Variants in RNF150 observed in about 807,000 individuals in gnomAD.
RNF150 encodes ring finger protein 150.
RNF150 carries 24 observed loss-of-function variants against 39.3 expected under a neutral mutation model. That is an observed-to-expected ratio of 0.61 (90% CI 0.44 to 0.86). The LOEUF (loss-of-function observed/expected upper bound fraction) is 0.86, where lower values mean the gene tolerates loss of function less well. Among genes scored for constraint, RNF150 ranks in the 40% least tolerant of loss-of-function variants. RNF150 has a pLI of 0.00. For missense variants in RNF150, 502 were observed against 587.8 expected, an observed-to-expected ratio of 0.85 and a Z score of 1.51; for synonymous variants, 255 against 227.3, an observed-to-expected ratio of 1.12 and a Z score of -1.10.
At chr4:140,980,508 T>A (rs557795206) in intron 1 of RNF150, among the ~76,000 whole-genome samples, 2 of 152,216 alleles carry the variant, frequency 1.3e-5, no homozygotes, top group South Asian at 4.2e-4. Flanking sequence ...TTTGGCTGTG[T>A]CCCCCTGCCC....
chr4:141,152,976 T>C (rs1184695125), intron 1 of RNF150, among the ~76,000 whole-genome samples: 1 of 152,214 alleles, frequency 6.6e-6, no homozygotes, highest in Non-Finnish European at 1.5e-5. Context: ...ATTAGCTATT[T>C]GTCCTGATGC....
At chr4:141,074,609 G>A (rs1329072481) in intron 1 of RNF150, among the ~76,000 whole-genome samples, 1 of 152,064 alleles carries the variant, frequency 6.6e-6, no homozygotes, top group Non-Finnish European at 1.5e-5. Flanking sequence ...GGCTAGGACT[G>A]GTCTGTGGGA....
At chr4:141,201,232 A>G (rs1728285669) in intron 1 of RNF150, among the ~76,000 whole-genome samples, 1 of 152,220 alleles carries the variant, frequency 6.6e-6, no homozygotes, top group Admixed American at 6.5e-5. Context: ...CCAAATTGAT[A>G]TACAATTACT....
chr4:141,019,005 T>A (rs1479053177), intron 1 of RNF150, among the ~76,000 whole-genome samples: 1 of 146,894 alleles, frequency 6.8e-6, no homozygotes, highest in Non-Finnish European at 1.5e-5. Context: ...TACAGAAAAA[T>A]TCTTTGAAGG....
intron 1 of RNF150, among the ~76,000 whole-genome samples, chr4:141,026,556 G>T (rs1243219724): frequency 6.6e-6 from 1 of 152,202 alleles, no homozygotes; most frequent in Non-Finnish European, 1.5e-5. Flanking sequence ...TCTGCTTTCA[G>T]TTGAGTGAGG....
intron 4 of RNF150, among the ~76,000 whole-genome samples, chr4:140,941,924 T>C (rs1185978978): frequency 1.3e-5 from 2 of 152,190 alleles, no homozygotes; most frequent in Non-Finnish European, 2.9e-5. Flanking sequence ...AGTTCCTTCA[T>C]TGACATTTTC....
chr4:141,104,948 GCAGCCTC>G (rs778997161), intron 1 of RNF150, among the ~76,000 whole-genome samples: 1 of 152,080 alleles, frequency 6.6e-6, no homozygotes, highest in Non-Finnish European at 1.5e-5. Flanking sequence ...TATCCCAGTT[GCAGCCTC>G]CAGACATTGA....
intron 1 of RNF150, among the ~76,000 whole-genome samples, chr4:141,040,146 C>A (rs1242151632): frequency 1.4e-5 from 2 of 144,256 alleles, no homozygotes; most frequent in Non-Finnish European, 1.5e-5. Flanking sequence ...ACTGCAAGAA[C>A]CCCGGGTGCT....
At chr4:141,095,201 C>T (rs544057358) in intron 1 of RNF150, among the ~76,000 whole-genome samples, 2 of 152,258 alleles carry the variant, frequency 1.3e-5, no homozygotes, top group Admixed American at 6.5e-5. Context: ...TTGTTGGAGG[C>T]CAAATGTGGG....
chr4:141,175,076 CAGAA>C (rs1462195474), intron 1 of RNF150, among the ~76,000 whole-genome samples: 2 of 152,112 alleles, frequency 1.3e-5, no homozygotes, highest in Non-Finnish European at 2.9e-5. Context: ...CTGGTTGTTT[CAGAA>C]GACCTCAAGG....
intron 6 of RNF150, among the ~76,000 whole-genome samples, chr4:140,878,965 T>C (rs1189525727): frequency 6.6e-6 from 1 of 152,256 alleles, no homozygotes; most frequent in Non-Finnish European, 1.5e-5. Context: ...AATTACTTTC[T>C]TTTGCAATGT....
chr4:141,153,790 T>C (rs923527001), intron 1 of RNF150, among the ~76,000 whole-genome samples: 6 of 152,172 alleles, frequency 3.9e-5, no homozygotes, highest in Non-Finnish European at 5.9e-5. Flanking sequence ...ATGTCTAACC[T>C]GTCTTTGAAA....
At chr4:141,019,310 T>G (rs1187456891) in intron 1 of RNF150, among the ~76,000 whole-genome samples, 1 of 151,992 alleles carries the variant, frequency 6.6e-6, no homozygotes, top group Non-Finnish European at 1.5e-5. Flanking sequence ...AAAATAACTT[T>G]AGGTATTTGT....
chr4:140,955,901 C>A (rs949896236), intron 2 of RNF150, among the ~76,000 whole-genome samples: 5 of 152,172 alleles, frequency 3.3e-5, no homozygotes, highest in African/African-American at 1.2e-4. Context: ...ATCAAAGGCA[C>A]ATGGGCCATG....
chr4:140,919,269 T>C (rs1411976439), intron 5 of RNF150, among the ~76,000 whole-genome samples: 2 of 144,376 alleles, frequency 1.4e-5, no homozygotes, highest in East Asian at 4.2e-4. Context: ...GATGACATGA[T>C]TGTATATCTA....
chr4:141,089,164 G>T (rs1738479080), intron 1 of RNF150, among the ~76,000 whole-genome samples: 1 of 152,152 alleles, frequency 6.6e-6, no homozygotes, highest in Non-Finnish European at 1.5e-5. Flanking sequence ...CCTCAAGACA[G>T]ATAAATCTGA....
At chr4:140,984,203 T>C (rs1302676647) in intron 1 of RNF150, among the ~76,000 whole-genome samples, 1 of 152,090 alleles carries the variant, frequency 6.6e-6, no homozygotes, top group Non-Finnish European at 1.5e-5. Flanking sequence ...AGGAGTGAAA[T>C]AGCAAAAACA....
At chr4:140,951,443 A>G (rs1287796895) in intron 2 of RNF150, among the ~76,000 whole-genome samples, 1 of 151,956 alleles carries the variant, frequency 6.6e-6, no homozygotes, top group Non-Finnish European at 1.5e-5. Flanking sequence ...ACACACACGT[A>G]CACACACACA....
intron 1 of RNF150, among the ~76,000 whole-genome samples, chr4:140,970,818 G>A (rs1173159473): frequency 6.6e-6 from 1 of 152,030 alleles, no homozygotes; most frequent in Non-Finnish European, 1.5e-5. Flanking sequence ...AGTGGGGAGG[G>A]CCTGTTCATC....
Sources: allele counts gnomAD v4.1 joint callset (sites outside exome capture counted in the v4.1 genomes callset), GRCh38; gene constraint gnomAD v4.1.1; transcripts MANE v1.5; gene names NCBI Gene and HGNC (gene_info 2026-07-23, HGNC 2026-07-21).